MTUS2: variants seen among roughly 807,000 people sequenced by gnomAD.
MTUS2 encodes the protein microtubule-associated tumor suppressor candidate 2.
A neutral mutation model predicts 114.1 loss-of-function variants in MTUS2; 40 were observed. The observed-to-expected ratio is 0.35, with a 90% CI of 0.27 to 0.46. The LOEUF is 0.46. MTUS2 is among the 20% of genes least tolerant of loss of function. The probability of loss-of-function intolerance (pLI) is 1.00; values close to 1 mark genes in which losing one functional copy is unlikely to be tolerated. For synonymous variants in MTUS2, 688 were observed against 672.0 expected, an observed-to-expected ratio of 1.02 and a Z score of -0.37; for missense variants, 1,679 against 1,705.4, an observed-to-expected ratio of 0.98 and a Z score of 0.27.
chr13:29,420,247 C>T (rs1268086862), intron 8 of MTUS2, among the ~76,000 whole-genome samples: 1 of 147,646 alleles, frequency 6.8e-6, no homozygotes, highest in African/African-American at 2.6e-5. Flanking sequence ...TACTTTCTTT[C>T]TTTCTTTCTT....
chr13:29,407,241 A>G (rs1269391316), intron 8 of MTUS2, among the ~76,000 whole-genome samples: 3 of 152,096 alleles, frequency 2.0e-5, no homozygotes, highest in African/African-American at 7.2e-5. Context: ...GCGAGACTGC[A>G]TCTCAAAAAT....
At chr13:29,466,876 C>CAAA (rs11296600) in intron 9 of MTUS2, among the ~76,000 whole-genome samples, 16 of 87,606 alleles carry the variant, frequency 1.8e-4, no homozygotes, top group African/African-American at 4.4e-4. Context: ...GACCTCATCT[C>CAAA]AAAAAAAAAA....
intron 5 of MTUS2, among the ~76,000 whole-genome samples, chr13:29,182,694 G>A (rs547791416): frequency 2.0e-5 from 3 of 152,318 alleles, no homozygotes; most frequent in African/African-American, 7.2e-5. Flanking sequence ...ATAAGTACAT[G>A]CTAGTGTGTG....
intron 7 of MTUS2, among the ~76,000 whole-genome samples, chr13:29,354,422 C>A (rs916814839): frequency 6.6e-6 from 1 of 152,086 alleles, no homozygotes; most frequent in African/African-American, 2.4e-5. Context: ...ATAAATAGCA[C>A]CTGTACTTCT....
intron 8 of MTUS2, among the ~76,000 whole-genome samples, chr13:29,383,246 G>GTATATATATATATATATATTTATTTA (rs1291436254): frequency 9.1e-5 from 5 of 55,178 alleles, no homozygotes; most frequent in African/African-American, 2.1e-4. Context: ...GTGTGTGTGT[G>GTATATATATATATATATATTTATTTA]TGTGTGTATT....
intron 5 of MTUS2, among the ~76,000 whole-genome samples, chr13:29,263,490 T>C (rs1185024254): frequency 6.6e-6 from 1 of 152,152 alleles, no homozygotes; most frequent in Non-Finnish European, 1.5e-5. Context: ...CATAAATAAA[T>C]ACCTGAGACT....
At chr13:29,280,644 C>T (rs1593256314) in intron 5 of MTUS2, among the ~76,000 whole-genome samples, 1 of 152,218 alleles carries the variant, frequency 6.6e-6, no homozygotes, top group Middle Eastern at 3.4e-3. Flanking sequence ...AAATTTAATC[C>T]TTTACTAAAA....
At chr13:29,417,845 T>G (rs1875778308) in intron 8 of MTUS2, among the ~76,000 whole-genome samples, 2 of 152,240 alleles carry the variant, frequency 1.3e-5, no homozygotes, top group Non-Finnish European at 2.9e-5. Flanking sequence ...TATTTTCTAG[T>G]TCTTTGTAAT....
chr13:29,377,611 A>T (rs1339119945), intron 8 of MTUS2, among the ~76,000 whole-genome samples: 1 of 152,212 alleles, frequency 6.6e-6, no homozygotes, highest in Non-Finnish European at 1.5e-5. Context: ...AATGTGTGGC[A>T]TATGGCTAAA....
intron 2 of MTUS2, among the ~76,000 whole-genome samples, chr13:28,887,261 A>G (rs926103505): frequency 6.6e-6 from 1 of 152,114 alleles, no homozygotes; most frequent in Non-Finnish European, 1.5e-5. Context: ...GTGTATAATC[A>G]TGCTTATTCT....
intron 5 of MTUS2, among the ~76,000 whole-genome samples, chr13:29,181,769 CATT>C (rs1420798287): frequency 1.4e-5 from 2 of 146,018 alleles, no homozygotes; most frequent in African/African-American, 2.6e-5. Flanking sequence ...TTTCAGAAAT[CATT>C]ATAATTTATA....
intron 9 of MTUS2, among the ~76,000 whole-genome samples, chr13:29,442,142 A>G (rs1049012870): frequency 6.6e-6 from 1 of 152,204 alleles, no homozygotes; most frequent in Non-Finnish European, 1.5e-5. Flanking sequence ...GTAGAGGTAG[A>G]GACCCTTGGA....
intron 2 of MTUS2, among the ~76,000 whole-genome samples, chr13:28,977,744 G>A (rs1884180960): frequency 6.6e-6 from 1 of 152,076 alleles, no homozygotes; most frequent in Admixed American, 6.5e-5. Flanking sequence ...TTATTAAAAA[G>A]CCAGCACTCT....
At chr13:28,894,299 A>AGGGGGGGGGGGAGGGGGGGGGGGAGGGG (rs1566203625) in intron 2 of MTUS2, among the ~76,000 whole-genome samples, 1 of 3,732 alleles carries the variant, frequency 2.7e-4, no homozygotes. Flanking sequence ...GGAGAGAGAG[A>AGGGGGGGGGGGAGGGGGGGGGGGAGGGG]GAGAGGGGGG....
At chr13:28,846,959 A>G (rs922315264) in intron 2 of MTUS2, among the ~76,000 whole-genome samples, 3 of 152,178 alleles carry the variant, frequency 2.0e-5, no homozygotes, top group Non-Finnish European at 4.4e-5. Flanking sequence ...TTATTTGGCA[A>G]AGTGTCTTAC....
chr13:29,484,869 C>G (rs1335122405), intron 10 of MTUS2: 1 of 152,254 alleles, frequency 6.6e-6, no homozygotes, highest in Non-Finnish European at 1.5e-5. Flanking sequence ...GTATTCTTAC[C>G]TGTCTGAGAG....
chr13:28,889,240 G>T (rs2137905587), intron 2 of MTUS2, among the ~76,000 whole-genome samples: 1 of 152,248 alleles, frequency 6.6e-6, no homozygotes, highest in Middle Eastern at 3.4e-3. Flanking sequence ...TCTCATGTTG[G>T]TTCCATTGAA....
At chr13:29,331,456 CAAT>C (rs1900775335) in intron 7 of MTUS2, among the ~76,000 whole-genome samples, 2 of 152,242 alleles carry the variant, frequency 1.3e-5, no homozygotes, top group South Asian at 4.2e-4. Flanking sequence ...CTGGCTAGAG[CAAT>C]ACTTCCAAAT....
chr13:29,282,100 G>A lies in MTUS2; in HGVS notation c.2806+235G>A, dbSNP rs755947906. Among the ~76,000 whole-genome samples the A allele has an allele frequency of 5.9e-5, 9 of 152,224 alleles. No individual in the cohort carries two copies. The South Asian group carries it at 1.0e-3, about 17-fold the overall frequency. On this transcript the variant is annotated intron_variant, in intron 6 of 15. Transcript: ENST00000612955. ...TAACCCTTTGAATCACACAGTTTCC[G>A]TTTCAGAAAGCAAGAACCAAGCTAT...
Sources: allele counts gnomAD v4.1 joint callset (sites outside exome capture counted in the v4.1 genomes callset), GRCh38; gene constraint gnomAD v4.1.1; transcripts MANE v1.5; gene names NCBI Gene and HGNC (gene_info 2026-07-23, HGNC 2026-07-21).